PVT1: variants seen among roughly 807,000 people sequenced by gnomAD.
PVT1 encodes CXCR4/PVT1 fusion.
intron 2 of PVT1, among the ~76,000 whole-genome samples, chr8:127,816,482 A>G (rs1814660968): frequency 6.8e-6 from 1 of 146,260 alleles, no homozygotes; most frequent in Non-Finnish European, 1.5e-5. Context: ...TTATCATGTC[A>G]TGGATGAAAA....
At chr8:127,806,961 G>A (rs561151534) in intron 2 of PVT1, among the ~76,000 whole-genome samples, 36 of 152,316 alleles carry the variant, frequency 2.4e-4, no homozygotes, top group African/African-American at 8.4e-4. Context: ...GAGCATCTGG[G>A]TGTTTCCACA....
intron 1 of PVT1, among the ~76,000 whole-genome samples, chr8:127,795,432 C>A (rs1814382813): frequency 6.6e-6 from 1 of 152,174 alleles, no homozygotes; most frequent in South Asian, 2.1e-4. Context: ...GGTTTGCAGG[C>A]ATGGAAGATT....
chr8:128,081,413 G>A lies in PVT1; in HGVS notation n.1114+11052G>A, dbSNP rs78058582. Among the ~76,000 whole-genome samples the A allele has an allele frequency of 6.8e-3, 1,037 of 152,278 alleles. 30 individuals carry two copies. In the East Asian group the frequency reaches 0.071, roughly 10 times the overall value. ...CTCATTTGGGTAGACACCAAGGAGC[G>A]CAATTATTGGATCACATGGTGAGAC... On this transcript the variant is annotated intron_variant and non_coding_transcript_variant, in intron 5 of 10. Coordinates refer to ENST00000651587, the Ensembl canonical transcript of PVT1.
intron 4 of PVT1, among the ~76,000 whole-genome samples, chr8:128,037,129 G>A (rs1022313222): frequency 2.6e-5 from 4 of 152,202 alleles, no homozygotes; most frequent in African/African-American, 4.8e-5. Context: ...AAGAGGCAGG[G>A]GTGCCCGAGA....
At chr8:128,043,117 C>A (rs1402195417) in intron 4 of PVT1, among the ~76,000 whole-genome samples, 1 of 152,058 alleles carries the variant, frequency 6.6e-6, no homozygotes, top group Non-Finnish European at 1.5e-5. Flanking sequence ...GGGTGCCTTC[C>A]CTAAATAAAG....
intron 2 of PVT1, among the ~76,000 whole-genome samples, chr8:127,865,381 T>C (rs1014549086): frequency 6.6e-6 from 1 of 152,140 alleles, no homozygotes; most frequent in Admixed American, 6.5e-5. Flanking sequence ...GGGGATGTCA[T>C]ATGCCATACA....
At chr8:127,858,679 T>C (rs1234978265) in intron 2 of PVT1, among the ~76,000 whole-genome samples, 5 of 151,856 alleles carry the variant, frequency 3.3e-5, no homozygotes, top group Non-Finnish European at 7.4e-5. Flanking sequence ...AACTGGCCCA[T>C]AGATGGTGGC....
chr8:128,068,626 G>C (rs567882390), intron 4 of PVT1, among the ~76,000 whole-genome samples: 15,650 of 152,204 alleles, frequency 0.1, 1,039 homozygotes, highest in East Asian at 0.22. Flanking sequence ...CCCCTGAGAA[G>C]CTGGGATTAC....
At chr8:127,851,308 G>A (rs1487393041) in intron 2 of PVT1, among the ~76,000 whole-genome samples, 1 of 152,092 alleles carries the variant, frequency 6.6e-6, no homozygotes, top group African/African-American at 2.4e-5. Flanking sequence ...CCTTTCTTTG[G>A]GGTGCACTGT....
At chr8:127,951,976 C>T (rs2033101) in intron 3 of PVT1, among the ~76,000 whole-genome samples, 26,063 of 151,868 alleles carry the variant, frequency 0.17, 2,576 homozygotes, top group East Asian at 0.35. Context: ...CCACCACGCT[C>T]GACTAATGTT....
chr8:127,809,029 C>CAAAAAAAAAAAAAA (rs1158760672), intron 2 of PVT1, among the ~76,000 whole-genome samples: 440 of 27,880 alleles, frequency 0.016, 1 homozygote, highest in Non-Finnish European at 0.02. Context: ...GATTCCATCT[C>CAAAAAAAAAAAAAA]AAAAAAAAAA....
chr8:127,932,794 A>G, intron 3 of PVT1: 2 of 296,020 alleles, frequency 6.8e-6, no homozygotes, highest in Non-Finnish European at 1.2e-5. Context: ...GACTGTACAT[A>G]CATACACAAA....
intron 2 of PVT1, among the ~76,000 whole-genome samples, chr8:127,874,270 G>C (rs904092580): frequency 2.6e-5 from 4 of 152,192 alleles, no homozygotes; most frequent in Admixed American, 6.5e-5. Flanking sequence ...ATTCAGCTGA[G>C]AGTCGCAAGG....
chr8:127,794,971 T>C (rs1185010359), intron 1 of PVT1, among the ~76,000 whole-genome samples: 5 of 152,102 alleles, frequency 3.3e-5, no homozygotes, highest in Non-Finnish European at 7.4e-5. Flanking sequence ...ATTCTGGATT[T>C]ATGAACTTGA....
intron 3 of PVT1, among the ~76,000 whole-genome samples, chr8:127,986,886 C>CT (rs1816976066): frequency 6.6e-6 from 1 of 152,114 alleles, no homozygotes; most frequent in African/African-American, 2.4e-5. Flanking sequence ...GAAAGAGGTT[C>CT]TTTTTTCTGC....
rs114559408 is a variant in PVT1 at position 128,048,237 on chromosome 8, C to A, written n.913-21923C>A. Among the ~76,000 whole-genome samples, 390 of 152,332 alleles carry A rather than the reference C, an allele frequency of 2.6e-3. 1 individual carries two copies. Among genetic ancestry groups the A allele is most frequent in the African/African-American group, 9.1e-3 (377 of 41,562 alleles). ...CCAAGGCCAAGCTAGAGAAGGCACACAATAGGCTTTCCACTAATATTTGTG... is the reference window on the plus strand; with the variant it reads ...CCAAGGCCAAGCTAGAGAAGGCACAAAATAGGCTTTCCACTAATATTTGTG... On this transcript the variant is annotated intron_variant and non_coding_transcript_variant, in intron 4 of 10. Transcript: ENST00000651587.
chr8:128,034,476 C>T (rs1204840369), intron 4 of PVT1, among the ~76,000 whole-genome samples: 2 of 152,228 alleles, frequency 1.3e-5, no homozygotes, highest in Non-Finnish European at 2.9e-5. Flanking sequence ...ACTTACTGTG[C>T]TGTTCTAGCT....
At chr8:127,809,194 C>T (rs1403226169) in intron 2 of PVT1, among the ~76,000 whole-genome samples, 1 of 151,968 alleles carries the variant, frequency 6.6e-6, no homozygotes, top group Non-Finnish European at 1.5e-5. Flanking sequence ...TGAAAGTTTT[C>T]ATTTTTTTCT....
At chr8:127,806,070 A>G (rs1814523414) in intron 2 of PVT1, among the ~76,000 whole-genome samples, 1 of 152,234 alleles carries the variant, frequency 6.6e-6, no homozygotes. Context: ...AAACACTAAT[A>G]TCTAGAATGT....
Sources: allele counts gnomAD v4.1 joint callset (sites outside exome capture counted in the v4.1 genomes callset), GRCh38; gene constraint gnomAD v4.1.1; transcripts MANE v1.5; gene names NCBI Gene and HGNC (gene_info 2026-07-23, HGNC 2026-07-21).